The following CYP4F22 variants were observed in gnomAD, a reference collection of about 807,000 sequenced individuals.
The protein encoded by CYP4F22 is ultra-long-chain fatty acid omega-hydroxylase.
In CYP4F22, 37 loss-of-function variants were observed where a neutral mutation model predicts 60.4. The observed-to-expected ratio is 0.61, with a 90% CI of 0.47 to 0.81. The LOEUF is 0.81. Ranked by LOEUF, CYP4F22 falls within the 30% of genes least tolerant of loss-of-function variation. CYP4F22 has a pLI of 0.00. For missense variants in CYP4F22, 655 were observed against 715.0 expected (o/e 0.92, Z 0.96); for synonymous variants, 258 against 280.5 (o/e 0.92, Z 0.80).
chr19:15,531,179 C>T (rs1433869893), intron 4 of CYP4F22, among the ~76,000 whole-genome samples: 1 of 152,084 alleles, frequency 6.6e-6, no homozygotes, highest in African/African-American at 2.4e-5. Flanking sequence ...GAGTTTAAGA[C>T]CAGCCTGGGT....
Position 15,551,668 on chromosome 19 carries a change from C to T in CYP4F22, c.*197C>T. ...GGCAAGGCTCCTCCCCTTAGGGGGC[C>T]TGATCCCGCCCCTTGAGGCTTAGGT... On this transcript the variant is annotated 3_prime_UTR_variant, in exon 14 of 14. Transcript: ENST00000269703. 1 of 672,764 alleles carries T rather than the reference C, an allele frequency of 1.5e-6. No individual in the cohort carries two copies. Among genetic ancestry groups the T allele is most frequent in the Non-Finnish European group, 2.5e-6 (1 of 403,748 alleles). The allele number at this position is 672,764 out of a possible 1,614,324, so 41.7% of individuals were successfully genotyped here. A position where few individuals can be genotyped will look rare whatever the true frequency, so the allele number is the denominator to read the frequency against.
rs1190888030 is a variant in CYP4F22, at chr19:15,529,765, C to T, written c.279C>T (p.His93=). The T allele has an allele frequency of 1.9e-6, 3 of 1,613,982 alleles. No individual in the cohort carries two copies. Among genetic ancestry groups the T allele is most frequent in the African/African-American group, 2.7e-5 (2 of 74,902 alleles). Residue 93 remains histidine (H), a synonymous_variant, in exon 4 of 14, where the codon CAC becomes CAT. Transcript: ENST00000269703. ...QDEKKVLDNM[H]HVLLVWMGPV... ...AGAAGAAGGTACTGGACAACATGCA[C>T]CATGTACTCTTGGTATGGATGGGAC...
At chr19:15,537,163 T>C (rs1476491985) in intron 4 of CYP4F22, among the ~76,000 whole-genome samples, 198 bp from the exon 5 acceptor site, 2 of 152,020 alleles carry the variant, frequency 1.3e-5, no homozygotes, top group Non-Finnish European at 2.9e-5. Flanking sequence ...TAGCCGGGCA[T>C]GGTGGCGGAC....
intron 2 of CYP4F22, among the ~76,000 whole-genome samples, chr19:15,524,065 A>G (rs1250567873): frequency 2.2e-5 from 2 of 92,480 alleles, no homozygotes; most frequent in African/African-American, 3.7e-5. Context: ...GTCTCAAAAG[A>G]AAAAAAAAAA....
intron 7 of CYP4F22, among the ~76,000 whole-genome samples, chr19:15,540,020 T>C (rs561226243): frequency 2.6e-5 from 4 of 152,230 alleles, no homozygotes; most frequent in African/African-American, 4.8e-5. Flanking sequence ...CAATCCCTTA[T>C]CAGATAGACA....
chr19:15,522,178 A>G (rs112286017), intron 1 of CYP4F22, among the ~76,000 whole-genome samples: 2,157 of 150,572 alleles, frequency 0.014, 29 homozygotes, highest in Non-Finnish European at 0.022. Flanking sequence ...GAAACACCAT[A>G]TGGTTTTCCC....
At chr19:15,528,060 C>A (rs2061274531) in intron 3 of CYP4F22, among the ~76,000 whole-genome samples, 1 of 152,226 alleles carries the variant, frequency 6.6e-6, no homozygotes, top group East Asian at 1.9e-4. Context: ...AAAGCTTGCC[C>A]ATATTCCTCT....
intron 1 of CYP4F22, among the ~76,000 whole-genome samples, chr19:15,519,830 A>G (rs1046107200): frequency 1.3e-5 from 2 of 152,010 alleles, no homozygotes; most frequent in African/African-American, 2.4e-5. Context: ...CAAGATGGTA[A>G]CACCCACCCC....
intron 4 of CYP4F22, among the ~76,000 whole-genome samples, chr19:15,532,509 A>T (rs942250490): frequency 2.6e-5 from 4 of 151,524 alleles, no homozygotes; most frequent in African/African-American, 9.7e-5. Flanking sequence ...CGAGTAGCTG[A>T]GACTACAAGT....
chr19:15,528,792 G>T (rs754836002), intron 3 of CYP4F22, among the ~76,000 whole-genome samples: 2 of 152,122 alleles, frequency 1.3e-5, no homozygotes, highest in Admixed American at 1.3e-4. Context: ...GATCAAATAT[G>T]CCAGTACATG....
Position 15,528,057 on chromosome 19 carries a change from G to C in CYP4F22, c.223-1652G>C, listed in dbSNP as rs571699129. ...AGCTTTGCAGATGATGCCAAAGCTT[G>C]CCCATATTCCTCTCAACCCATTTTT... On this transcript the variant is annotated intron_variant, in intron 3 of 13. Coordinates refer to ENST00000269703, the MANE Select transcript of CYP4F22 (RefSeq NM_173483.4). Among the ~76,000 whole-genome samples the C allele has an allele frequency of 2.0e-4, 31 of 152,224 alleles. No homozygotes were observed. The South Asian group carries it at 6.4e-3, about 32-fold the overall frequency.
chr19:15,529,777 G>C lies in CYP4F22; in HGVS notation c.291G>C (p.Leu97Phe). Residue 97 changes from leucine to phenylalanine, a missense_variant, in exon 4 of 14, where the codon TTG (leucine) becomes TTC (phenylalanine). Around this residue, in one of 3 missense-constraint regions of CYP4F22, gnomAD observed 430 missense variants for 457.1 expected, o/e 0.94. Transcript: ENST00000269703. Reference sequence around the variant, plus strand: ...TGGACAACATGCACCATGTACTCTTGGTATGGATGGGACCTGTCCTGCCGC... The same window carrying C: ...TGGACAACATGCACCATGTACTCTTCGTATGGATGGGACCTGTCCTGCCGC... ...KVLDNMHHVL[L>F]VWMGPVLPLL... 1 of 1,614,136 alleles carries C rather than the reference G, an allele frequency of 6.2e-7. No homozygotes were observed. The highest frequency in any genetic ancestry group is 1.1e-5 in the South Asian group (1 of 91,080).
At chr19:15,522,831 C>A (rs1324961307) in intron 1 of CYP4F22, among the ~76,000 whole-genome samples, 6 of 152,104 alleles carry the variant, frequency 3.9e-5, no homozygotes, top group Non-Finnish European at 8.8e-5. Flanking sequence ...CTGCCTCAGC[C>A]TCCCGAGTAG....
chr19:15,545,239 G>A (rs1036951102), intron 10 of CYP4F22, among the ~76,000 whole-genome samples: 1 of 152,090 alleles, frequency 6.6e-6, no homozygotes, highest in Non-Finnish European at 1.5e-5. Context: ...AGAATCATAT[G>A]ACAAAGGGTA....
At chr19:15,533,726 G>A (rs1379806129) in intron 4 of CYP4F22, among the ~76,000 whole-genome samples, 2 of 149,828 alleles carry the variant, frequency 1.3e-5, no homozygotes, top group African/African-American at 2.5e-5. Context: ...TCAGCCTCCC[G>A]AGTAGCTGGA....
At chr19:15,515,119 G>A (rs878864482) in intron 1 of CYP4F22, among the ~76,000 whole-genome samples, 1 of 152,152 alleles carries the variant, frequency 6.6e-6, no homozygotes, top group East Asian at 1.9e-4. Flanking sequence ...CTGGTATTGC[G>A]TAGGGACAGC....
At chr19:15,524,432 T>C (rs746922257) in intron 2 of CYP4F22, among the ~76,000 whole-genome samples, 6 of 152,114 alleles carry the variant, frequency 3.9e-5, no homozygotes, top group Non-Finnish European at 8.8e-5. Context: ...GGAGGATCGC[T>C]TGAGCCCAGG....
chr19:15,510,966 A>ATATATATATATATATATAT (rs34055543), intron 1 of CYP4F22, among the ~76,000 whole-genome samples: 40 of 103,334 alleles, frequency 3.9e-4, no homozygotes, highest in Non-Finnish European at 6.2e-4. Flanking sequence ...ATATATATAT[A>ATATATATATATATATATAT]TTTTTTTTTT....
chr19:15,533,357 T>C (rs1415822711), intron 4 of CYP4F22, among the ~76,000 whole-genome samples: 1 of 151,876 alleles, frequency 6.6e-6, no homozygotes, highest in Non-Finnish European at 1.5e-5. Context: ...AGTTTCAAAA[T>C]TTTTAGTCAC....
Sources: gnomAD v4.1 joint callset for allele counts (sites outside exome capture counted in the v4.1 genomes callset) on GRCh38, gnomAD v4.1.1 for gene constraint, gnomAD v4.1.1 regional missense constraint, MANE v1.5 for transcripts, NCBI Gene and HGNC (gene_info 2026-07-23, HGNC 2026-07-21) for gene names.